Variants in LRRC8C observed in about 807,000 individuals in gnomAD.
LRRC8C encodes volume-regulated anion channel subunit LRRC8C.
In LRRC8C, 20 loss-of-function variants were observed where a neutral mutation model predicts 55.3. The observed-to-expected ratio is 0.36, with a 90% CI of 0.25 to 0.53. The LOEUF (loss-of-function observed/expected upper bound fraction) is 0.53. Ranked by LOEUF, LRRC8C falls within the 20% of genes least tolerant of loss-of-function variation. The pLI, the probability that LRRC8C is intolerant of heterozygous loss-of-function variation, is 0.92. For synonymous variants in LRRC8C, 376 were observed against 360.7 expected, an observed-to-expected ratio of 1.04 and a Z score of -0.48; for missense variants, 659 against 951.4, an observed-to-expected ratio of 0.69 and a Z score of 4.04.
rs10593283 is a variant in LRRC8C, at chr1:89,680,549, C to CTTTTTT, written c.-4-5904_-4-5899dup. The stretch of plus-strand genomic sequence containing the variant: ...GTGCCAGGTGTTTCATGCTTTCATG[C>CTTTTTT]TTTTTTTTTTTTTTTTTTTTTTCTG... On this transcript the variant is annotated intron_variant, in intron 1 of 2. Coordinates refer to ENST00000370454, the MANE Select transcript of LRRC8C (RefSeq NM_032270.5). Among the ~76,000 whole-genome samples, 51 of 91,872 alleles carry CTTTTTT rather than the reference C, an allele frequency of 5.6e-4. 1 individual carries two copies. The highest frequency in any genetic ancestry group is 5.3e-4 in the African/African-American group (12 of 22,534). The allele number at this position is 91,872 out of a possible 152,430, so 60.3% of individuals were successfully genotyped here. A position where few individuals can be genotyped will look rare whatever the true frequency, so the allele number is the denominator to read the frequency against.
chr1:89,705,105 G>A (rs1159861084), intron 2 of LRRC8C, among the ~76,000 whole-genome samples: 1 of 151,822 alleles, frequency 6.6e-6, no homozygotes, highest in African/African-American at 2.4e-5. Flanking sequence ...GAAAAATGAT[G>A]AGTTCATGTC....
chr1:89,639,302 G>T (rs1418022951), intron 1 of LRRC8C, among the ~76,000 whole-genome samples: 2 of 152,108 alleles, frequency 1.3e-5, no homozygotes, highest in East Asian at 3.9e-4. Context: ...TTATAATTAT[G>T]AAACACTGCG....
intron 1 of LRRC8C, chr1:89,676,186 T>A (rs556703653): frequency 6.6e-6 from 1 of 152,344 alleles, no homozygotes; most frequent in East Asian, 1.9e-4. Flanking sequence ...TTGTTAATAA[T>A]ACTTTAATGT....
Position 89,642,283 on chromosome 1 carries a change from A to G in LRRC8C, c.-5+8961A>G, listed in dbSNP as rs1023328699. Among the ~76,000 whole-genome samples, 6 of 152,366 alleles carry G rather than the reference A, an allele frequency of 3.9e-5. No individual in the cohort carries two copies. The East Asian group carries it at 9.6e-4, about 24-fold the overall frequency. ...AGATTCTTTTGACCATAGAGTAGAT[A>G]CCAGACTAGTATCCAGGGAGGATGT... On this transcript the variant is annotated intron_variant, in intron 1 of 2. Coordinates refer to ENST00000370454, the MANE Select transcript of LRRC8C (RefSeq NM_032270.5).
Position 89,713,911 on chromosome 1 carries a change from A to G in LRRC8C, c.1341A>G (p.Gln447=), listed in dbSNP as rs34576461. ...PDTVFEITEL[Q]SLKLEIIKNV... ...CTGTTTTTGAAATCACAGAGTTGCA[A>G]TCTCTAAAACTTGAAATCATTAAGA... Residue 447 remains glutamine (Q), a synonymous_variant, in exon 3 of 3, where the codon CAA becomes CAG. Coordinates refer to ENST00000370454, the MANE Select transcript of LRRC8C (RefSeq NM_032270.5). The surrounding 1 kb of genome is among the most constrained non-coding windows in gnomAD (Gnocchi z 5.2). 5,225 of 1,614,046 alleles carry G rather than the reference A, an allele frequency of 3.2e-3. 153 individuals are homozygous for G. In the African/African-American group the frequency reaches 0.062, roughly 19 times the overall value.
rs761613169 is a variant in LRRC8C at position 89,714,775 on chromosome 1, G to A, written c.2205G>A (p.Lys735=). The change falls in exon 3 of 3, where the codon AAG becomes AAA. Residue 735 remains lysine, a synonymous_variant. Transcript: ENST00000370454. This position sits in a 1 kb window ranked among gnomAD's most constrained non-coding sequence, Gnocchi z 4.6. ...LYFCKKLKTL[K]IGKNSLSVLS... ...TCTGCAAGAAACTTAAAACTCTGAA[G>A]ATTGGAAAAAACAGCCTATCTGTAC... is the stretch of plus-strand genomic sequence containing the variant. 1 of 1,613,562 alleles carries A rather than the reference G, an allele frequency of 6.2e-7. No homozygotes were observed. Among genetic ancestry groups the A allele is most frequent in the Non-Finnish European group, 8.5e-7 (1 of 1,179,846 alleles).
chr1:89,633,185 C>G lies in LRRC8C; in HGVS notation c.-142C>G, dbSNP rs1656167969. ...GAGGAAGGCGCCGCCGTGGCCGCGG[C>G]CGCAGTGCTCGGGCGCGACAAGCCA... On this transcript the variant is annotated 5_prime_UTR_variant, in exon 1 of 3. Transcript: ENST00000370454. 6.6e-6 allele frequency: 1 copy of G among 152,244 alleles called. No homozygotes were observed. The highest frequency in any genetic ancestry group is 2.4e-5 in the African/African-American group (1 of 41,438). 9.4% of individuals were successfully genotyped at this position (152,244 alleles called of 1,614,324 possible).
chr1:89,681,906 G>A (rs148617740), intron 1 of LRRC8C, among the ~76,000 whole-genome samples: 38 of 152,230 alleles, frequency 2.5e-4, no homozygotes, highest in African/African-American at 7.0e-4. Flanking sequence ...ATTTAAATGC[G>A]GCTGGGCACG....
At chr1:89,652,966 G>A (rs1369515835) in intron 1 of LRRC8C, among the ~76,000 whole-genome samples, 1 of 152,088 alleles carries the variant, frequency 6.6e-6, no homozygotes, top group East Asian at 1.9e-4. Context: ...GCATTATGGA[G>A]GAACAGCAAG....
At chr1:89,680,556 T>C (rs1202431702) in intron 1 of LRRC8C, among the ~76,000 whole-genome samples, 1 of 143,960 alleles carries the variant, frequency 6.9e-6, no homozygotes, top group African/African-American at 2.6e-5. Flanking sequence ...ATGCTTTTTT[T>C]TTTTTTTTTT....
chr1:89,669,542 T>C (rs920211369), intron 1 of LRRC8C, among the ~76,000 whole-genome samples: 1 of 152,210 alleles, frequency 6.6e-6, no homozygotes, highest in Admixed American at 6.5e-5. Flanking sequence ...TATTGAGTGC[T>C]AATTCCTGCC....
At chr1:89,638,150 G>T (rs905303159) in intron 1 of LRRC8C, among the ~76,000 whole-genome samples, 2 of 152,146 alleles carry the variant, frequency 1.3e-5, no homozygotes, top group African/African-American at 4.8e-5. Flanking sequence ...GTTCTTTAAA[G>T]AACCTTTCTA....
chr1:89,694,697 C>T (rs987530654), intron 2 of LRRC8C, among the ~76,000 whole-genome samples: 16 of 145,176 alleles, frequency 1.1e-4, no homozygotes, highest in African/African-American at 3.9e-4. Flanking sequence ...AAGTGGTTCT[C>T]CTGCCTCAGC....
At chr1:89,710,013 A>C (rs1298252225) in intron 2 of LRRC8C, among the ~76,000 whole-genome samples, 4 of 152,014 alleles carry the variant, frequency 2.6e-5, no homozygotes, top group Non-Finnish European at 5.9e-5. Flanking sequence ...GGCCTCCCAA[A>C]ATGCTGGGAT....
At chr1:89,616,085 T>C in the LRRC8C span, among the ~76,000 whole-genome samples, 2 of 152,108 alleles carry the variant, frequency 1.3e-5, no homozygotes, top group African/African-American at 4.8e-5. Flanking sequence ...AGTGAGACCA[T>C]GGAGATCATT....
rs932482103 is a variant in LRRC8C, at chr1:89,715,151, T to A, written c.*169T>A. 7 of 408,198 alleles carry A rather than the reference T, an allele frequency of 1.7e-5. No individual in the cohort carries two copies. Among genetic ancestry groups the A allele is most frequent in the Admixed American group, 4.2e-5 (1 of 23,854 alleles). The allele number at this position is 408,198 out of a possible 1,614,324, so 25.3% of individuals were successfully genotyped here. A position where few individuals can be genotyped will look rare whatever the true frequency, so the allele number is the denominator to read the frequency against. ...TAAAAATTTAATTGTATTTTTTCAA[T>A]ATTAATATTTTGAAGTTTTATTTGT... On this transcript the variant is annotated 3_prime_UTR_variant, in exon 3 of 3. Coordinates refer to ENST00000370454, the MANE Select transcript of LRRC8C (RefSeq NM_032270.5).
intron 1 of LRRC8C, among the ~76,000 whole-genome samples, chr1:89,649,082 A>T (rs781137551): frequency 5.3e-5 from 8 of 152,122 alleles, no homozygotes; most frequent in Admixed American, 2.0e-4. Context: ...ATTCCTGTGG[A>T]TATTCCCCTA....
chr1:89,679,572 AAAGAT>A (rs1278820032), intron 1 of LRRC8C, among the ~76,000 whole-genome samples: 3 of 152,172 alleles, frequency 2.0e-5, no homozygotes, highest in Non-Finnish European at 4.4e-5. Flanking sequence ...CAACAAAAGA[AAAGAT>A]AAGGAATTAG....
chr1:89,662,017 C>G (rs1657135292), intron 1 of LRRC8C, among the ~76,000 whole-genome samples: 1 of 152,174 alleles, frequency 6.6e-6, no homozygotes, highest in East Asian at 1.9e-4. Context: ...AATGCAAAAG[C>G]AGGAGTGAAC....
Sources: allele counts gnomAD v4.1 joint callset (sites outside exome capture counted in the v4.1 genomes callset), GRCh38; gene constraint gnomAD v4.1.1; non-coding constraint Gnocchi (gnomAD v3.1); transcripts MANE v1.5; gene names NCBI Gene and HGNC (gene_info 2026-07-23, HGNC 2026-07-21).